The following ADAMTSL1 variants were observed in gnomAD, a reference collection of about 807,000 sequenced individuals.
ADAMTSL1 encodes ADAMTS-like protein 1.
A neutral mutation model predicts 201.8 loss-of-function variants in ADAMTSL1; 126 were observed. The observed-to-expected ratio is 0.62, with a 90% CI of 0.54 to 0.72. The LOEUF (loss-of-function observed/expected upper bound fraction) is 0.72. Among genes scored for constraint, ADAMTSL1 ranks in the 30% least tolerant of loss-of-function variants. The probability of loss-of-function intolerance (pLI) is 0.00; values close to 1 mark genes in which losing one functional copy is unlikely to be tolerated. For missense variants in ADAMTSL1, 2,679 were observed against 2,277.8 expected (o/e 1.18, Z -3.59); for synonymous variants, 1,121 against 903.4 (o/e 1.24, Z -4.32).
chr9:18,356,340 C>T (rs1239261188), intron 2 of ADAMTSL1, among the ~76,000 whole-genome samples: 1 of 151,942 alleles, frequency 6.6e-6, no homozygotes, highest in African/African-American at 2.4e-5. Flanking sequence ...GGGGTTTCAC[C>T]AGGGACCCGC....
At chr9:18,360,879 A>T (rs1461659498) in intron 2 of ADAMTSL1, among the ~76,000 whole-genome samples, 1 of 151,958 alleles carries the variant, frequency 6.6e-6, no homozygotes, top group East Asian at 1.9e-4. Context: ...AGAAAAATGG[A>T]CTCCAAAACA....
In ADAMTSL1 at chr9:18,533,281, T is replaced by A; in HGVS notation, c.226T>A (p.Cys76Ser). Residue 76 changes from cysteine to serine, a missense_variant, in exon 3 of 29, where the codon TGC (cysteine) becomes AGC (serine). By Grantham distance (112) the Cys-to-Ser change is moderately radical. Transcript: ENST00000380548. ...CEGRNIRYRT[C>S]SNVDCPPEAG... Reference sequence around the variant, plus strand: ...AGGAAGAAATATCCGATACAGAACATGCAGTAATGTGGTAAGTATAAGGTT... The same window carrying A: ...AGGAAGAAATATCCGATACAGAACAAGCAGTAATGTGGTAAGTATAAGGTT... 2 of 1,609,530 alleles carry A rather than the reference T, an allele frequency of 1.2e-6. No homozygotes were observed. The highest frequency in any genetic ancestry group is 1.7e-6 in the Non-Finnish European group (2 of 1,177,904).
intron 3 of ADAMTSL1, among the ~76,000 whole-genome samples, chr9:18,541,149 G>A (rs1014024212): frequency 4.6e-5 from 7 of 152,074 alleles, no homozygotes; most frequent in Admixed American, 6.5e-5. Context: ...AACAAAATTG[G>A]GAGCAGGCTC....
intron 16 of ADAMTSL1, among the ~76,000 whole-genome samples, chr9:18,770,014 T>C (rs923839842): frequency 2.2e-4 from 34 of 152,192 alleles, no homozygotes; most frequent in African/African-American, 7.5e-4. Context: ...CCATTTTTCT[T>C]GCATCCCAAA....
At chr9:18,263,808 T>C (rs1832015867) in intron 2 of ADAMTSL1, among the ~76,000 whole-genome samples, 1 of 152,094 alleles carries the variant, frequency 6.6e-6, no homozygotes, top group African/African-American at 2.4e-5. Context: ...GAAGGCCACG[T>C]GAACACACAG....
intron 1 of ADAMTSL1, among the ~76,000 whole-genome samples, chr9:18,148,634 T>C (rs1204810574): frequency 6.6e-6 from 1 of 152,046 alleles, no homozygotes; most frequent in African/African-American, 2.4e-5. Flanking sequence ...TTGATAACAG[T>C]TGATGATTAG....
intron 1 of ADAMTSL1, among the ~76,000 whole-genome samples, chr9:18,496,849 A>G (rs1822558807): frequency 6.6e-6 from 1 of 152,330 alleles, no homozygotes; most frequent in South Asian, 2.1e-4. Context: ...TCTATGGCTG[A>G]TTGGAGTCAC....
chr9:18,208,797 G>T (rs560958370), intron 2 of ADAMTSL1, among the ~76,000 whole-genome samples: 94 of 152,192 alleles, frequency 6.2e-4, no homozygotes, highest in Admixed American at 9.8e-4. Flanking sequence ...TTATGTTAGA[G>T]GATAAAACAG....
chr9:18,231,958 T>C (rs970330893), intron 2 of ADAMTSL1, among the ~76,000 whole-genome samples: 2 of 152,212 alleles, frequency 1.3e-5, no homozygotes, highest in Admixed American at 1.3e-4. Context: ...TAGCCTTCCA[T>C]GCTTCCATCC....
At chr9:18,367,314 A>C (rs1836811998) in intron 2 of ADAMTSL1, among the ~76,000 whole-genome samples, 1 of 152,204 alleles carries the variant, frequency 6.6e-6, no homozygotes, top group Non-Finnish European at 1.5e-5. Context: ...GACCATAAGA[A>C]TTTAGTTACT....
chr9:18,560,669 C>G (rs901784103), intron 3 of ADAMTSL1, among the ~76,000 whole-genome samples: 10 of 151,650 alleles, frequency 6.6e-5, no homozygotes, highest in African/African-American at 1.9e-4. Flanking sequence ...CTATTAATTA[C>G]TGCCTTAATT....
rs530516722 is a variant in ADAMTSL1, at chr9:18,718,578, G to C, written c.1877-2958G>C. The C allele has an allele frequency of 1.4e-4, 59 of 432,964 alleles. 1 individual carries two copies. Among genetic ancestry groups the C allele is most frequent in the Middle Eastern group, 9.1e-4 (2 of 2,198 alleles). The allele number at this position is 432,964 out of a possible 1,614,324, so 26.8% of individuals were successfully genotyped here. A position where few individuals can be genotyped will look rare whatever the true frequency, so the allele number is the denominator to read the frequency against. On this transcript the variant is annotated intron_variant, in intron 14 of 28. Coordinates refer to ENST00000380548, the MANE Select transcript of ADAMTSL1 (RefSeq NM_001040272.6). ...CCTCTCACGCTGTCACCGGGTTCCCGCAGCCAGTGTCACTCCCTCCGGGTT... is the reference window on the plus strand; with the variant it reads ...CCTCTCACGCTGTCACCGGGTTCCCCCAGCCAGTGTCACTCCCTCCGGGTT...
chr9:18,340,692 T>G (rs2132962089), intron 2 of ADAMTSL1, among the ~76,000 whole-genome samples: 1 of 152,258 alleles, frequency 6.6e-6, no homozygotes, highest in African/African-American at 2.4e-5. Flanking sequence ...ATAAGTCTCA[T>G]GAGATCTGAT....
At chr9:18,314,846 G>C (rs1408263982) in intron 2 of ADAMTSL1, among the ~76,000 whole-genome samples, 1 of 132,824 alleles carries the variant, frequency 7.5e-6, no homozygotes, top group Non-Finnish European at 1.6e-5. Context: ...GCCCAGGCTG[G>C]AGTGCAGTGG....
intron 26 of ADAMTSL1, 33 bp downstream of exon 26, chr9:18,892,629 T>C (rs1340771840): frequency 6.5e-7 from 1 of 1,546,704 alleles, no homozygotes; most frequent in South Asian, 1.2e-5. Context: ...ATTTGAAAGC[T>C]AAATCTAAAG....
At chr9:18,040,432 G>T (rs1821383070) in intron 1 of ADAMTSL1, among the ~76,000 whole-genome samples, 1 of 152,132 alleles carries the variant, frequency 6.6e-6, no homozygotes, top group Non-Finnish European at 1.5e-5. Context: ...CAACTAGTTG[G>T]GCTGTGGCTC....
chr9:18,098,051 A>G (rs1461686328), intron 1 of ADAMTSL1, among the ~76,000 whole-genome samples: 6 of 152,040 alleles, frequency 3.9e-5, no homozygotes. Flanking sequence ...CCAGATTGAT[A>G]TGCAGTTTTT....
chr9:18,572,862 CA>C (rs1223373073), intron 3 of ADAMTSL1, among the ~76,000 whole-genome samples: 1 of 152,048 alleles, frequency 6.6e-6, no homozygotes, highest in Non-Finnish European at 1.5e-5. Flanking sequence ...TTATTTAAAA[CA>C]AAAAATTAGA....
chr9:18,509,436 A>G (rs1186034378), intron 2 of ADAMTSL1, among the ~76,000 whole-genome samples: 2 of 152,206 alleles, frequency 1.3e-5, no homozygotes, highest in Non-Finnish European at 2.9e-5. Flanking sequence ...GTAATGCTGC[A>G]TAAAAACCAC....
Sources: gnomAD v4.1 joint callset for allele counts (sites outside exome capture counted in the v4.1 genomes callset) on GRCh38, gnomAD v4.1.1 for gene constraint, MANE v1.5 for transcripts, NCBI Gene and HGNC (gene_info 2026-07-23, HGNC 2026-07-21) for gene names.